The following OTUD7A variants were observed in gnomAD, a reference collection of about 807,000 sequenced individuals.
OTUD7A encodes the protein OTU deubiquitinase 7A, also known as OTU domain-containing protein 7A.
Under a neutral mutation model 65.7 loss-of-function variants are expected in OTUD7A, and 12 were observed. The observed-to-expected ratio is 0.18, with a 90% CI of 0.12 to 0.30. The LOEUF (loss-of-function observed/expected upper bound fraction) is 0.30, where lower values mean the gene tolerates loss of function less well. OTUD7A is among the 10% of genes least tolerant of loss of function. The probability of loss-of-function intolerance (pLI) is 1.00; values close to 1 mark genes in which losing one functional copy is unlikely to be tolerated. For synonymous variants in OTUD7A, 641 were observed against 586.3 expected, an observed-to-expected ratio of 1.09 and a Z score of -1.35; for missense variants, 1,148 against 1,304.8, an observed-to-expected ratio of 0.88 and a Z score of 1.85.
chr15:31,507,601 A>G (rs2041598445), intron 8 of OTUD7A, among the ~76,000 whole-genome samples: 1 of 148,764 alleles, frequency 6.7e-6, no homozygotes, highest in Non-Finnish European at 1.5e-5. Flanking sequence ...AAACCATGGA[A>G]CAGGACCCGA....
intron 5 of OTUD7A, chr15:31,558,736 G>A (rs1284836600): frequency 3.4e-6 from 2 of 588,584 alleles, no homozygotes; most frequent in Non-Finnish European, 6.0e-6. Flanking sequence ...GGAGCAAGGG[G>A]AAAACTCGAG....
At chr15:31,685,261 C>A (rs1030038580) in intron 1 of OTUD7A, among the ~76,000 whole-genome samples, 6 of 152,212 alleles carry the variant, frequency 3.9e-5, no homozygotes, top group Non-Finnish European at 8.8e-5. Context: ...AACAAGTTAA[C>A]TCCAAATTTG....
chr15:31,698,180 G>A (rs1893127460), intron 1 of OTUD7A, among the ~76,000 whole-genome samples: 2 of 152,376 alleles, frequency 1.3e-5, no homozygotes, highest in South Asian at 4.1e-4. Context: ...AATGGAAACA[G>A]TCCCTTATTC....
intron 1 of OTUD7A, among the ~76,000 whole-genome samples, chr15:31,725,532 T>C (rs1318519748): frequency 2.0e-5 from 3 of 152,206 alleles, no homozygotes; most frequent in Non-Finnish European, 4.4e-5. Context: ...CTACCTTTGA[T>C]ATTTGTGTAG....
intron 8 of OTUD7A, among the ~76,000 whole-genome samples, chr15:31,508,672 G>T (rs1049893896): frequency 3.3e-5 from 5 of 152,252 alleles, no homozygotes; most frequent in African/African-American, 1.2e-4. Flanking sequence ...TTGTAGGCTG[G>T]TGCTGATGTA....
Position 31,481,640 on chromosome 15 carries a change from C to T in OTUD7A, c.*1654G>A, listed in dbSNP as rs2041120855. On this transcript the variant is annotated 3_prime_UTR_variant, in exon 13 of 13. Coordinates refer to ENST00000307050, the MANE Select transcript of OTUD7A (RefSeq NM_001382637.1). ...CAAAACTTGAACAAATTACTGAAAA[C>T]TCCACCTGCTGTGGAATAATTAAAA... 2 of 152,268 alleles carry T rather than the reference C, an allele frequency of 1.3e-5. No homozygotes were observed. Among genetic ancestry groups the T allele is most frequent in the Admixed American group, 1.3e-4 (2 of 15,284 alleles). The allele number at this position is 152,268 out of a possible 1,614,324, so 9.4% of individuals were successfully genotyped here.
chr15:31,722,160 C>T (rs1595727208), intron 1 of OTUD7A, among the ~76,000 whole-genome samples: 1 of 152,148 alleles, frequency 6.6e-6, no homozygotes, highest in South Asian at 2.1e-4. Flanking sequence ...GAAGGGCCCC[C>T]GATCCCTCTG....
chr15:31,870,068 G>A (rs1035367816), intron 1 of OTUD7A, among the ~76,000 whole-genome samples: 2 of 150,502 alleles, frequency 1.3e-5, no homozygotes, highest in Non-Finnish European at 3.0e-5. Flanking sequence ...TCGGGGCCGG[G>A]CCCTGCCCGG....
intron 8 of OTUD7A, among the ~76,000 whole-genome samples, chr15:31,512,867 G>T (rs1298128264): frequency 6.6e-6 from 1 of 152,214 alleles, no homozygotes; most frequent in Non-Finnish European, 1.5e-5. Context: ...AGATATTTAA[G>T]AATGTTAGCA....
chr15:31,646,149 C>A lies in OTUD7A; in HGVS notation c.151+8947G>T, dbSNP rs140691730. ...TGCTCCTTCCCTCTTCAGCTTACGCCCACATTACTGAGTGCCCACTCAGGA... is the reference window on the plus strand; with the variant it reads ...TGCTCCTTCCCTCTTCAGCTTACGCACACATTACTGAGTGCCCACTCAGGA... On this transcript the variant is annotated intron_variant, in intron 3 of 12. Transcript: ENST00000307050. 4.4e-4 allele frequency among the ~76,000 whole-genome samples: 67 copies of A among 152,170 alleles called. No homozygotes were observed. The East Asian group carries it at 0.012, about 26-fold the overall frequency.
At chr15:31,694,151 A>C (rs1305983784) in intron 1 of OTUD7A, among the ~76,000 whole-genome samples, 2 of 152,130 alleles carry the variant, frequency 1.3e-5, no homozygotes, top group Non-Finnish European at 2.9e-5. Context: ...TGGCGCTCAG[A>C]AGCCAGGACA....
chr15:31,860,669 GTA>G (rs1303646405), intron 1 of OTUD7A, among the ~76,000 whole-genome samples: 328 of 14,776 alleles, frequency 0.022, 3 homozygotes, highest in African/African-American at 0.038. Flanking sequence ...ATATATAGAT[GTA>G]TGTGTGTATA....
At chr15:31,567,113 C>A (rs1472182265) in intron 4 of OTUD7A, among the ~76,000 whole-genome samples, 1 of 152,124 alleles carries the variant, frequency 6.6e-6, no homozygotes, top group Non-Finnish European at 1.5e-5. Flanking sequence ...AAGAAGACAG[C>A]AAGTGAGGGA....
chr15:31,631,501 T>A (rs1891152944), intron 3 of OTUD7A, among the ~76,000 whole-genome samples: 1 of 152,168 alleles, frequency 6.6e-6, no homozygotes, highest in African/African-American at 2.4e-5. Flanking sequence ...ACCCGACCTT[T>A]CTCTCTGTCT....
At chr15:31,807,893 T>C (rs1365785033) in intron 1 of OTUD7A, among the ~76,000 whole-genome samples, 1 of 151,946 alleles carries the variant, frequency 6.6e-6, no homozygotes, top group Non-Finnish European at 1.5e-5. Flanking sequence ...ACCATCCAAT[T>C]GAGAGAGCCG....
At chr15:31,559,775 C>G (rs1254972060) in intron 4 of OTUD7A, among the ~76,000 whole-genome samples, 1 of 152,194 alleles carries the variant, frequency 6.6e-6, no homozygotes, top group Admixed American at 6.5e-5. Flanking sequence ...ACAGGACACA[C>G]AGCGCACATA....
intron 1 of OTUD7A, among the ~76,000 whole-genome samples, chr15:31,769,953 G>A (rs913219619): frequency 6.6e-6 from 1 of 152,142 alleles, no homozygotes; most frequent in African/African-American, 2.4e-5. Context: ...AGTCAATTTT[G>A]CGGTATGCCA....
At chr15:31,590,320 T>C (rs1440103975) in intron 3 of OTUD7A, among the ~76,000 whole-genome samples, 1 of 152,254 alleles carries the variant, frequency 6.6e-6, no homozygotes, top group Admixed American at 6.5e-5. Context: ...TGTGCAATGA[T>C]GAAATTACCA....
At chr15:31,522,516 A>G (rs1172560983) in intron 8 of OTUD7A, among the ~76,000 whole-genome samples, 1 of 152,190 alleles carries the variant, frequency 6.6e-6, no homozygotes, top group Non-Finnish European at 1.5e-5. Flanking sequence ...ATCTCTTTAT[A>G]TGTATGTCTT....
Sources: gnomAD v4.1 joint callset for allele counts (sites outside exome capture counted in the v4.1 genomes callset) on GRCh38, gnomAD v4.1.1 for gene constraint, MANE v1.5 for transcripts, NCBI Gene and HGNC (gene_info 2026-07-23, HGNC 2026-07-21) for gene names.